The following ATP8A2 variants were observed in gnomAD, a reference collection of about 807,000 sequenced individuals.
ATP8A2 encodes the protein ATPase phospholipid transporting 8A2, also known as phospholipid-transporting ATPase IB.
A neutral mutation model predicts 165.6 loss-of-function variants in ATP8A2; 100 were observed. The ratio of observed to expected loss-of-function variants is 0.60; its 90% CI spans 0.51 to 0.71. ATP8A2 has a LOEUF of 0.71. Among genes scored for constraint, ATP8A2 ranks in the 30% least tolerant of loss-of-function variants. The pLI is 0.00. For synonymous variants in ATP8A2, 543 were observed against 548.8 expected, an observed-to-expected ratio of 0.99 and a Z score of 0.15; for missense variants, 1,227 against 1,479.5, an observed-to-expected ratio of 0.83 and a Z score of 2.80.
chr13:25,998,009 A>G lies in ATP8A2; in HGVS notation c.3378-14522A>G, dbSNP rs148194157. ...AGTGATTTTCAAATGAAACCTGGAC[A>G]TTTTGGCTATTATGCTATGGACTCT... On this transcript the variant is annotated intron_variant, in intron 35 of 36. Coordinates refer to ENST00000381655, the MANE Select transcript of ATP8A2 (RefSeq NM_016529.6). Among the ~76,000 whole-genome samples, 702 of 152,242 alleles carry G rather than the reference A, an allele frequency of 4.6e-3. 6 individuals carry two copies. Among genetic ancestry groups the G allele is most frequent in the African/African-American group, 0.015 (633 of 41,540 alleles).
At chr13:25,811,699 A>G (rs953980069) in intron 27 of ATP8A2, among the ~76,000 whole-genome samples, 4 of 152,126 alleles carry the variant, frequency 2.6e-5, no homozygotes, top group African/African-American at 9.7e-5. Context: ...AAACAAAACA[A>G]AACACACAAA....
At chr13:25,379,901 C>G (rs1007353520) in intron 1 of ATP8A2, among the ~76,000 whole-genome samples, 1 of 152,136 alleles carries the variant, frequency 6.6e-6, no homozygotes, top group African/African-American at 2.4e-5. Flanking sequence ...CTTGGAAATA[C>G]ATTTATTCAA....
At chr13:25,678,977 A>G (rs2042428360) in intron 24 of ATP8A2, among the ~76,000 whole-genome samples, 1 of 152,196 alleles carries the variant, frequency 6.6e-6, no homozygotes, top group South Asian at 2.1e-4. Flanking sequence ...TACAGTAATC[A>G]CTGTGAGTTA....
chr13:25,397,888 T>G (rs747472919), intron 1 of ATP8A2, among the ~76,000 whole-genome samples: 2 of 152,170 alleles, frequency 1.3e-5, no homozygotes, highest in Admixed American at 1.3e-4. Flanking sequence ...GATTTCCTGA[T>G]TGACAATTGG....
chr13:25,826,093 A>G (rs1951306802), intron 27 of ATP8A2, among the ~76,000 whole-genome samples: 1 of 152,200 alleles, frequency 6.6e-6, no homozygotes, highest in Admixed American at 6.5e-5. Context: ...GTAAATTTCA[A>G]ATATTCTCAC....
chr13:25,764,234 G>C (rs537811584), intron 25 of ATP8A2, among the ~76,000 whole-genome samples: 1 of 152,198 alleles, frequency 6.6e-6, no homozygotes, highest in South Asian at 2.1e-4. Context: ...ATTTCGGTTA[G>C]TTTTTGCCCC....
chr13:25,483,226 T>A (rs539731780), intron 2 of ATP8A2, among the ~76,000 whole-genome samples: 1 of 152,202 alleles, frequency 6.6e-6, no homozygotes, highest in Non-Finnish European at 1.5e-5. Flanking sequence ...GACAGAGCAC[T>A]AGGCAAGTGT....
intron 24 of ATP8A2, among the ~76,000 whole-genome samples, chr13:25,600,041 A>G (rs751673952): frequency 6.6e-6 from 1 of 152,164 alleles, no homozygotes; most frequent in Non-Finnish European, 1.5e-5. Flanking sequence ...AGTGGTTTCA[A>G]TGTTAAGAAT....
intron 2 of ATP8A2, among the ~76,000 whole-genome samples, chr13:25,496,307 G>A (rs930816462): frequency 6.6e-6 from 1 of 152,056 alleles, no homozygotes; most frequent in African/African-American, 2.4e-5. Flanking sequence ...TCACACCCCT[G>A]GCTCATGTGC....
At chr13:25,837,321 A>G (rs1430810135) in intron 29 of ATP8A2, 36 bp downstream of exon 29, 1 of 1,610,576 alleles carries the variant, frequency 6.2e-7, no homozygotes, top group Non-Finnish European at 8.5e-7. Context: ...GTCACCTCAG[A>G]AAGGCGTGGC....
chr13:25,991,191 C>T (rs193294956), intron 35 of ATP8A2, among the ~76,000 whole-genome samples: 1 of 152,170 alleles, frequency 6.6e-6, no homozygotes, highest in East Asian at 1.9e-4. Context: ...GCACTGTTCA[C>T]AAAAGGATAA....
intron 24 of ATP8A2, among the ~76,000 whole-genome samples, chr13:25,625,279 GAAC>G (rs2041072726): frequency 6.6e-6 from 1 of 152,160 alleles, no homozygotes; most frequent in South Asian, 2.1e-4. Context: ...TTTTGAGGAA[GAAC>G]AAATGCAGTT....
intron 30 of ATP8A2, among the ~76,000 whole-genome samples, chr13:25,845,566 G>T (rs1252269318): frequency 6.6e-6 from 1 of 152,074 alleles, no homozygotes; most frequent in Non-Finnish European, 1.5e-5. Flanking sequence ...TGGGCCTTTC[G>T]ACATTTTTGG....
chr13:25,799,244 C>T (rs1212109056), intron 27 of ATP8A2, among the ~76,000 whole-genome samples: 1 of 152,168 alleles, frequency 6.6e-6, no homozygotes, highest in East Asian at 1.9e-4. Context: ...AACCTTTGTG[C>T]AGATTTCCCT....
chr13:25,502,779 C>T (rs192899360), intron 2 of ATP8A2, among the ~76,000 whole-genome samples: 242 of 152,230 alleles, frequency 1.6e-3, no homozygotes, highest in Non-Finnish European at 2.6e-3. Flanking sequence ...TGGCACTGCA[C>T]GATGTCATGG....
At chr13:25,399,397 C>CCTTTTT (rs1299469233) in intron 1 of ATP8A2, among the ~76,000 whole-genome samples, 1 of 74,058 alleles carries the variant, frequency 1.4e-5, no homozygotes, top group East Asian at 4.4e-4. Context: ...AGTGGTTCTT[C>CCTTTTT]TTTTTTTTTT....
chr13:25,577,093 T>A lies in ATP8A2; in HGVS notation c.1737T>A (p.Ile579=). 2 of 1,614,054 alleles carry A rather than the reference T, an allele frequency of 1.2e-6. No individual in the cohort carries two copies. The highest frequency in any genetic ancestry group is 1.7e-6 in the Non-Finnish European group (2 of 1,179,944). Residue 579 remains isoleucine, a synonymous_variant, in exon 20 of 37, where the codon ATT becomes ATA. Transcript: ENST00000381655. ...GTGACAGAAAAAGAATGTCTGTAAT[T>A]GTTCGAACTCCTTCAGGACGACTTC... The part of the protein sequence containing the change: ...FSSDRKRMSV[I]VRTPSGRLRL...
At chr13:25,666,928 A>T (rs1199274216) in intron 24 of ATP8A2, among the ~76,000 whole-genome samples, 1 of 152,228 alleles carries the variant, frequency 6.6e-6, no homozygotes, top group Non-Finnish European at 1.5e-5. Flanking sequence ...TTTTTACCAT[A>T]AGCAGAATGA....
intron 25 of ATP8A2, among the ~76,000 whole-genome samples, chr13:25,720,881 C>T (rs2043364948): frequency 6.6e-6 from 1 of 152,106 alleles, no homozygotes. Flanking sequence ...AGGTTAGATG[C>T]CATGTCCCAA....
Sources: gnomAD v4.1 joint callset for allele counts (sites outside exome capture counted in the v4.1 genomes callset) on GRCh38, gnomAD v4.1.1 for gene constraint, MANE v1.5 for transcripts, NCBI Gene and HGNC (gene_info 2026-07-23, HGNC 2026-07-21) for gene names.